Variants in KAZN observed in about 807,000 individuals in gnomAD.
The protein encoded by KAZN is kazrin, periplakin interacting protein.
KAZN carries 40 observed loss-of-function variants against 87.4 expected under a neutral mutation model. That is an observed-to-expected ratio of 0.46 (90% CI 0.36 to 0.60). The LOEUF (loss-of-function observed/expected upper bound fraction) is 0.60, where lower values mean the gene tolerates loss of function less well. Among genes scored for constraint, KAZN ranks in the 20% least tolerant of loss-of-function variants. KAZN has a pLI of 0.00. For missense variants in KAZN, 898 were observed against 1,073.9 expected, an observed-to-expected ratio of 0.84 and a Z score of 2.29; for synonymous variants, 466 against 458.3, an observed-to-expected ratio of 1.02 and a Z score of -0.22.
chr1:14,934,172 A>G (rs1660177386), intron 1 of KAZN, among the ~76,000 whole-genome samples: 1 of 149,314 alleles, frequency 6.7e-6, no homozygotes, highest in Admixed American at 6.7e-5. Flanking sequence ...ACCTTTTTAA[A>G]AAGAGAAATG....
At chr1:14,962,483 C>G (rs1221637135) in intron 2 of KAZN, among the ~76,000 whole-genome samples, 1 of 152,180 alleles carries the variant, frequency 6.6e-6, no homozygotes, top group Non-Finnish European at 1.5e-5. Flanking sequence ...ACCCGGCAGT[C>G]TAGGCAGATC....
At chr1:14,000,889 T>C (rs1023815029) in intron 1 of KAZN, among the ~76,000 whole-genome samples, 8 of 151,386 alleles carry the variant, frequency 5.3e-5, no homozygotes, top group Middle Eastern at 3.4e-3. Flanking sequence ...TTCACGCCAT[T>C]CTCCTGCCTC....
At chr1:13,941,898 C>A (rs1042073700) in intron 1 of KAZN, among the ~76,000 whole-genome samples, 1 of 152,154 alleles carries the variant, frequency 6.6e-6, no homozygotes. Flanking sequence ...TCTGCTGTGT[C>A]TTCTCTTTTA....
chr1:14,783,969 C>A (rs1247238559), intron 1 of KAZN, among the ~76,000 whole-genome samples: 2 of 152,122 alleles, frequency 1.3e-5, no homozygotes, highest in East Asian at 3.9e-4. Context: ...ACAGCAGTGA[C>A]CCCTAAGAAG....
chr1:14,282,545 T>A (rs1652916238), intron 2 of KAZN, among the ~76,000 whole-genome samples: 2 of 152,194 alleles, frequency 1.3e-5, no homozygotes, highest in East Asian at 3.9e-4. Context: ...ATGCTCTAAT[T>A]CTTTCCAAGA....
intron 1 of KAZN, among the ~76,000 whole-genome samples, chr1:14,783,591 C>G (rs990125492): frequency 6.6e-6 from 1 of 152,174 alleles, no homozygotes; most frequent in Admixed American, 6.5e-5. Flanking sequence ...GTGAGAACAG[C>G]CAAGCCAAGA....
chr1:14,382,425 G>A (rs900145549), intron 2 of KAZN, among the ~76,000 whole-genome samples: 6 of 138,684 alleles, frequency 4.3e-5, no homozygotes, highest in African/African-American at 8.2e-5. Flanking sequence ...CCACTAACTC[G>A]TCATCTAGCA....
intron 1 of KAZN, among the ~76,000 whole-genome samples, chr1:14,760,842 C>G (rs1644721021): frequency 6.6e-6 from 1 of 152,142 alleles, no homozygotes; most frequent in South Asian, 2.1e-4. Context: ...AAACTTTTTT[C>G]TATAGAGGGC....
intron 1 of KAZN, among the ~76,000 whole-genome samples, chr1:14,678,045 C>G (rs1247586165): frequency 6.6e-6 from 1 of 152,160 alleles, no homozygotes; most frequent in Non-Finnish European, 1.5e-5. Context: ...GACTGAGAGG[C>G]AAGGGGCTCT....
chr1:15,065,561 C>A, intron 7 of KAZN, 69 bp from the exon 8 acceptor site: 1 of 1,377,280 alleles, frequency 7.3e-7, no homozygotes, highest in East Asian at 2.3e-5. Context: ...CCACTGCAGT[C>A]TGCACCCCAG....
chr1:15,095,397 C>T (rs558848028), intron 10 of KAZN, among the ~76,000 whole-genome samples: 17 of 152,174 alleles, frequency 1.1e-4, no homozygotes, highest in Admixed American at 7.2e-4. Flanking sequence ...CATAGAGGAG[C>T]GGGCCAGGTG....
At chr1:14,910,068 TGAATG>T (rs1657083060) in intron 1 of KAZN, among the ~76,000 whole-genome samples, 1 of 151,588 alleles carries the variant, frequency 6.6e-6, no homozygotes, top group Non-Finnish European at 1.5e-5. Flanking sequence ...AAATAATGAA[TGAATG>T]AATGAATGAA....
At chr1:15,014,150 C>T (rs61772179) in intron 2 of KAZN, among the ~76,000 whole-genome samples, 109 of 152,198 alleles carry the variant, frequency 7.2e-4, no homozygotes, top group Middle Eastern at 3.4e-3. Flanking sequence ...GAATGAGTCT[C>T]GAATCCTTCA....
intron 2 of KAZN, among the ~76,000 whole-genome samples, chr1:14,192,302 C>T (rs543413526): frequency 1.3e-5 from 2 of 152,132 alleles, no homozygotes; most frequent in Admixed American, 6.5e-5. Context: ...TAGGAAATGT[C>T]ATCCTTTATA....
At chr1:14,229,102 T>C (rs1360950821) in intron 2 of KAZN, among the ~76,000 whole-genome samples, 4 of 152,180 alleles carry the variant, frequency 2.6e-5, no homozygotes, top group African/African-American at 9.6e-5. Flanking sequence ...AAAATAGATA[T>C]TATAGGCTCT....
At chr1:14,635,168 G>T (rs1440089940) in intron 1 of KAZN, among the ~76,000 whole-genome samples, 1 of 152,228 alleles carries the variant, frequency 6.6e-6, no homozygotes, top group Non-Finnish European at 1.5e-5. Flanking sequence ...TTAATTCAAT[G>T]AGGTGGTGGA....
intron 1 of KAZN, among the ~76,000 whole-genome samples, chr1:13,925,969 G>A (rs1449032559): frequency 1.3e-5 from 2 of 152,164 alleles, no homozygotes; most frequent in Non-Finnish European, 2.9e-5. Flanking sequence ...ATAGGATGGA[G>A]TGGCCATTGA....
At chr1:14,066,347 G>T (rs1404960464) in intron 1 of KAZN, among the ~76,000 whole-genome samples, 1 of 152,158 alleles carries the variant, frequency 6.6e-6, no homozygotes, top group Non-Finnish European at 1.5e-5. Context: ...TGGTGGGATT[G>T]CCGGATCGAA....
At chr1:14,019,156 C>T (rs115030562) in intron 1 of KAZN, among the ~76,000 whole-genome samples, 3,601 of 152,262 alleles carry the variant, frequency 0.024, 131 homozygotes, top group African/African-American at 0.08. Flanking sequence ...TGATTAGAAA[C>T]GACTTGTTTT....
Sources: allele counts gnomAD v4.1 joint callset (sites outside exome capture counted in the v4.1 genomes callset), GRCh38; gene constraint gnomAD v4.1.1; transcripts MANE v1.5; gene names NCBI Gene and HGNC (gene_info 2026-07-23, HGNC 2026-07-21).